The following SIK2 variants were observed in gnomAD, a reference collection of about 807,000 sequenced individuals.
SIK2 encodes salt inducible kinase 2, also known as serine/threonine-protein kinase SIK2.
SIK2 carries 29 observed loss-of-function variants against 103.2 expected under a neutral mutation model. That is an observed-to-expected ratio of 0.28 (90% CI 0.21 to 0.38). The LOEUF (loss-of-function observed/expected upper bound fraction) is 0.38. Ranked by LOEUF, SIK2 falls within the 10% of genes least tolerant of loss-of-function variation. The pLI is 1.00. For missense variants in SIK2, 879 were observed against 1,171.0 expected (o/e 0.75, Z 3.64); for synonymous variants, 412 against 446.1 (o/e 0.92, Z 0.96).
intron 3 of SIK2, among the ~76,000 whole-genome samples, chr11:111,653,914 T>C (rs1027282942): frequency 6.6e-6 from 1 of 152,242 alleles, no homozygotes; most frequent in Non-Finnish European, 1.5e-5. Context: ...ACACCTCTTT[T>C]GTTTTACTTT....
At chr11:111,704,383 G>A (rs1478189290) in intron 7 of SIK2, among the ~76,000 whole-genome samples, 1 of 152,230 alleles carries the variant, frequency 6.6e-6, no homozygotes, top group African/African-American at 2.4e-5. Context: ...TGGCAGGCTA[G>A]AGATGTGAAC....
intron 3 of SIK2, among the ~76,000 whole-genome samples, chr11:111,682,408 T>C (rs1942789124): frequency 1.3e-5 from 2 of 152,054 alleles, no homozygotes; most frequent in Non-Finnish European, 2.9e-5. Flanking sequence ...AATAAACAAA[T>C]ATAAAATGTT....
In SIK2 at chr11:111,643,640, G is replaced by A. The variant is rs561435978; in HGVS notation, c.316+23238G>A. Among the ~76,000 whole-genome samples the A allele has an allele frequency of 8.8e-4, 132 of 150,790 alleles. 1 individual carries two copies. Among genetic ancestry groups the A allele is most frequent in the South Asian group, 1.5e-3 (7 of 4,772 alleles). ...AGCCTGGCCAACATGGTGAAACCCC[G>A]TCTCTACTAAAAATACAAAAATTAG... On this transcript the variant is annotated intron_variant, in intron 3 of 14. Transcript: ENST00000304987.
intron 3 of SIK2, among the ~76,000 whole-genome samples, chr11:111,622,871 G>C (rs1328885718): frequency 6.6e-6 from 1 of 152,180 alleles, no homozygotes; most frequent in South Asian, 2.1e-4. Flanking sequence ...TCATTATGAT[G>C]AGCCTTTGTG....
At chr11:111,618,734 T>C (rs1397324732) in intron 2 of SIK2, among the ~76,000 whole-genome samples, 3 of 151,240 alleles carry the variant, frequency 2.0e-5, no homozygotes. Flanking sequence ...AAAAAAATTA[T>C]TAATTTTTTT....
At chr11:111,646,307 G>T (rs1453840594) in intron 3 of SIK2, among the ~76,000 whole-genome samples, 1 of 152,116 alleles carries the variant, frequency 6.6e-6, no homozygotes, top group Admixed American at 6.5e-5. Flanking sequence ...AAATTAGCTA[G>T]GTGTGGTGGC....
At chr11:111,720,795 G>A (rs751913897) in intron 11 of SIK2, 33 bp downstream of exon 11, 305 of 1,568,410 alleles carry the variant, frequency 1.9e-4, no homozygotes, top group Non-Finnish European at 2.5e-4. Flanking sequence ...TTTGAAACTC[G>A]CGTCGTAGGA....
Position 111,722,514 on chromosome 11 carries a change from C to T in SIK2, c.2056-151C>T. 1 of 709,892 alleles carries T rather than the reference C, an allele frequency of 1.4e-6. No homozygotes were observed. The highest frequency in any genetic ancestry group is 2.3e-6 in the Non-Finnish European group (1 of 436,018). 44.0% of individuals were successfully genotyped at this position (709,892 alleles called of 1,614,324 possible). A position where few individuals can be genotyped will look rare whatever the true frequency, so the allele number is the denominator to read the frequency against. On this transcript the variant is annotated intron_variant, in intron 13 of 14. Transcript: ENST00000304987. This position sits in a 1 kb window ranked among gnomAD's most constrained non-coding sequence, Gnocchi z 4.4. Reference sequence around the variant, plus strand: ...CAGGCCTGCGGGCCCGATGCTCTTTCAGGGTCTCAGGGAGTAAATGTCAGT... The same window carrying T: ...CAGGCCTGCGGGCCCGATGCTCTTTTAGGGTCTCAGGGAGTAAATGTCAGT...
chr11:111,664,544 A>T (rs1591606538), intron 3 of SIK2, among the ~76,000 whole-genome samples: 1 of 152,316 alleles, frequency 6.6e-6, no homozygotes, highest in Admixed American at 6.5e-5. Flanking sequence ...TGAACCTGGG[A>T]GGCGAAGGTT....
At chr11:111,700,833 G>A in intron 4 of SIK2, 53 bp from the exon 5 acceptor site, 1 of 1,601,838 alleles carries the variant, frequency 6.2e-7, no homozygotes, top group Non-Finnish European at 8.5e-7. Context: ...ACAGAGAAAT[G>A]CAGTATAGTT....
intron 9 of SIK2, among the ~76,000 whole-genome samples, chr11:111,716,284 G>GA (rs1036574903): frequency 2.6e-5 from 4 of 152,090 alleles, no homozygotes; most frequent in African/African-American, 7.2e-5. Flanking sequence ...CACAAGGTCT[G>GA]AAAAGGATAT....
rs1161152798 is a variant in SIK2, at chr11:111,650,179, C to G, written c.316+29777C>G. On this transcript the variant is annotated intron_variant, in intron 3 of 14. Coordinates refer to ENST00000304987, the MANE Select transcript of SIK2 (RefSeq NM_015191.3). ...TCCTTAATTTAGATACATTTTAAAT[C>G]TTAACTTTAGCAATTATCTTTTCCT... Among the ~76,000 whole-genome samples the G allele has an allele frequency of 2.6e-5, 4 of 151,910 alleles. No homozygotes were observed. The East Asian group carries it at 7.7e-4, about 29-fold the overall frequency.
chr11:111,622,960 G>T (rs1455167145), intron 3 of SIK2, among the ~76,000 whole-genome samples: 1 of 151,956 alleles, frequency 6.6e-6, no homozygotes. Flanking sequence ...ATCAAATTTG[G>T]ATATTTTTCA....
intron 2 of SIK2, among the ~76,000 whole-genome samples, chr11:111,618,332 CTG>C (rs1417697097): frequency 6.6e-6 from 1 of 152,194 alleles, no homozygotes; most frequent in African/African-American, 2.4e-5. Context: ...CTGCACCAGT[CTG>C]TGACCCGGCG....
At chr11:111,693,078 A>G (rs1235491607) in intron 4 of SIK2, among the ~76,000 whole-genome samples, 1 of 152,146 alleles carries the variant, frequency 6.6e-6, no homozygotes, top group East Asian at 1.9e-4. Flanking sequence ...TCACGCCTGT[A>G]ATCCCAGCAC....
intron 9 of SIK2, among the ~76,000 whole-genome samples, chr11:111,716,414 T>TA (rs66580417): frequency 0.25 from 37,932 of 151,660 alleles, 4,919 homozygotes; most frequent in Middle Eastern, 0.31. Flanking sequence ...CCAACTCTAC[T>TA]AAAAATACAA....
At chr11:111,692,891 A>G (rs1386593007) in intron 4 of SIK2, among the ~76,000 whole-genome samples, 2 of 152,144 alleles carry the variant, frequency 1.3e-5, no homozygotes, top group African/African-American at 2.4e-5. Flanking sequence ...GCCATCTTGT[A>G]TATTGAAATT....
chr11:111,667,416 A>T (rs1942559707), intron 3 of SIK2, among the ~76,000 whole-genome samples: 1 of 152,082 alleles, frequency 6.6e-6, no homozygotes, highest in African/African-American at 2.4e-5. Flanking sequence ...AGCTATGGAT[A>T]ACAATAATAG....
At chr11:111,706,669 A>AT (rs1386558119) in intron 8 of SIK2, among the ~76,000 whole-genome samples, 1 of 152,184 alleles carries the variant, frequency 6.6e-6, no homozygotes, top group Non-Finnish European at 1.5e-5. Context: ...TATATATAAA[A>AT]TAAGAGTATT....
Sources: allele counts gnomAD v4.1 joint callset (sites outside exome capture counted in the v4.1 genomes callset), GRCh38; gene constraint gnomAD v4.1.1; non-coding constraint Gnocchi (gnomAD v3.1); transcripts MANE v1.5; gene names NCBI Gene and HGNC (gene_info 2026-07-23, HGNC 2026-07-21).